The following TTC28 variants were observed in gnomAD, a reference collection of about 807,000 sequenced individuals.
The protein encoded by TTC28 is tetratricopeptide repeat domain 28, also known as tetratricopeptide repeat protein 28.
In TTC28, 61 loss-of-function variants were observed where a neutral mutation model predicts 198.0. The ratio of observed to expected loss-of-function variants is 0.31; its 90% CI spans 0.25 to 0.38. TTC28 has a LOEUF of 0.38. Among genes scored for constraint, TTC28 ranks in the 10% least tolerant of loss-of-function variants. The pLI is 1.00. For synonymous variants in TTC28, 1,171 were observed against 1,297.8 expected (o/e 0.90, Z 2.10); for missense variants, 2,678 against 3,164.0 (o/e 0.85, Z 3.69).
At chr22:28,063,368 G>A (rs1367797568) in intron 12 of TTC28, among the ~76,000 whole-genome samples, 1 of 152,180 alleles carries the variant, frequency 6.6e-6, no homozygotes, top group Non-Finnish European at 1.5e-5. Context: ...AACGCCAAAT[G>A]TGGCCATTGG....
chr22:28,281,866 G>A (rs954302066), intron 5 of TTC28, among the ~76,000 whole-genome samples: 1 of 152,176 alleles, frequency 6.6e-6, no homozygotes, highest in East Asian at 1.9e-4. Flanking sequence ...GAGCTACCTA[G>A]AGATCTGATC....
intron 2 of TTC28, among the ~76,000 whole-genome samples, chr22:28,468,690 A>AT (rs35984422): frequency 0.2 from 25,025 of 122,238 alleles, 3,111 homozygotes; most frequent in Admixed American, 0.38. Flanking sequence ...CGCCCGGCTA[A>AT]TTTTTTTTTT....
chr22:28,108,158 C>T lies in TTC28; in HGVS notation c.1687G>A (p.Ala563Thr). The change falls in exon 7 of 23, where the codon GCC becomes ACC. Residue 563 changes from alanine (A) to threonine (T), a missense_variant. Physicochemically the swap from Ala to Thr is moderately conservative, Grantham distance 58. Around this residue, in one of 8 missense-constraint regions of TTC28, gnomAD observed 775 missense variants for 845.9 expected, o/e 0.92. Coordinates refer to ENST00000397906, the MANE Select transcript of TTC28 (RefSeq NM_001145418.2). Reference sequence around the variant, plus strand: ...TCATGGGCACCCAGGGCCTGGTAGGCCACGGCAAGGTTCCCATGTGTGGAG... The same window carrying T: ...TCATGGGCACCCAGGGCCTGGTAGGTCACGGCAAGGTTCCCATGTGTGGAG... ...QASTHGNLAVAYQALGAHDRA... is the reference protein window; with the variant it reads ...QASTHGNLAVTYQALGAHDRA... 1.3e-6 allele frequency: 2 copies of T among 1,551,704 alleles called. No individual in the cohort carries two copies. Among genetic ancestry groups the T allele is most frequent in the Non-Finnish European group, 1.7e-6 (2 of 1,146,976 alleles).
chr22:28,403,924 C>T (rs2046957716), intron 2 of TTC28, among the ~76,000 whole-genome samples: 1 of 152,148 alleles, frequency 6.6e-6, no homozygotes, highest in African/African-American at 2.4e-5. Flanking sequence ...TTAGGGAAGA[C>T]AGACTTTTTT....
intron 1 of TTC28, among the ~76,000 whole-genome samples, chr22:28,644,294 G>A (rs192291278): frequency 6.6e-6 from 1 of 151,810 alleles, no homozygotes; most frequent in African/African-American, 2.4e-5. Flanking sequence ...AGCTACTGAG[G>A]AGGCTGAGGC....
intron 2 of TTC28, among the ~76,000 whole-genome samples, chr22:28,591,618 G>T (rs933583602): frequency 6.6e-6 from 1 of 152,112 alleles, no homozygotes; most frequent in Non-Finnish European, 1.5e-5. Flanking sequence ...TATAAAAATA[G>T]TACAAAGGAC....
At chr22:28,362,874 G>A (rs994502202) in intron 2 of TTC28, among the ~76,000 whole-genome samples, 6 of 152,134 alleles carry the variant, frequency 3.9e-5, no homozygotes, top group Non-Finnish European at 8.8e-5. Flanking sequence ...TTCAAGAGGT[G>A]ACTTGGGTGC....
chr22:28,235,853 T>C (rs1254298020), intron 5 of TTC28, among the ~76,000 whole-genome samples: 1 of 152,240 alleles, frequency 6.6e-6, no homozygotes, highest in African/African-American at 2.4e-5. Flanking sequence ...CTTCGTTAAG[T>C]TGGAACTACA....
At chr22:28,042,598 G>A (rs774308492) in intron 12 of TTC28, among the ~76,000 whole-genome samples, 3 of 152,110 alleles carry the variant, frequency 2.0e-5, no homozygotes, top group Admixed American at 6.6e-5. Context: ...GGGGACTGGA[G>A]GAGGGAGAGC....
At chr22:28,415,064 A>T (rs2047146243) in intron 2 of TTC28, among the ~76,000 whole-genome samples, 1 of 152,224 alleles carries the variant, frequency 6.6e-6, no homozygotes, top group Non-Finnish European at 1.5e-5. Context: ...AAGTTTAATT[A>T]TAATTGGCCC....
chr22:28,213,703 C>T (rs994152171), intron 5 of TTC28, among the ~76,000 whole-genome samples: 3 of 149,932 alleles, frequency 2.0e-5, no homozygotes, highest in South Asian at 4.3e-4. Context: ...GGCCATACTG[C>T]TCAAGGTAAT....
chr22:28,289,785 G>A (rs963206065), intron 5 of TTC28, among the ~76,000 whole-genome samples: 2 of 152,202 alleles, frequency 1.3e-5, no homozygotes, highest in East Asian at 3.9e-4. Context: ...CAACACTTTG[G>A]GAGGCCAAGG....
At chr22:28,443,475 T>C (rs1472929923) in intron 2 of TTC28, among the ~76,000 whole-genome samples, 1 of 152,266 alleles carries the variant, frequency 6.6e-6, no homozygotes, top group Non-Finnish European at 1.5e-5. Context: ...TTTCGCTTCC[T>C]TCTTGGATAA....
At position 27,981,638 on chromosome 22, in the gene TTC28, A is replaced by ATATT. The variant is rs1937026407; in HGVS notation, c.*579_*582dup. On this transcript the variant is annotated 3_prime_UTR_variant, in exon 23 of 23. Coordinates refer to ENST00000397906, the MANE Select transcript of TTC28 (RefSeq NM_001145418.2). ...TGTGAATTATTGCATTGTTGCTGAG[A>ATATT]TATTACACTATCATGAGACCAAAAT... The ATATT allele has an allele frequency of 6.6e-6, 1 of 152,162 alleles. No individual in the cohort carries two copies. The highest frequency in any genetic ancestry group is 2.4e-5 in the African/African-American group (1 of 41,438). 9.4% of individuals were successfully genotyped at this position (152,162 alleles called of 1,614,324 possible).
At chr22:28,313,247 G>A (rs1467614616) in intron 2 of TTC28, among the ~76,000 whole-genome samples, 1 of 152,136 alleles carries the variant, frequency 6.6e-6, no homozygotes, top group Admixed American at 6.5e-5. Context: ...AACAGTCTGG[G>A]ACCAGACAGA....
chr22:27,990,201 G>A, intron 20 of TTC28, 194 bp from the exon 21 acceptor site: 1 of 709,792 alleles, frequency 1.4e-6, no homozygotes, highest in African/African-American at 1.8e-5. Context: ...AAGCTCATGG[G>A]GCATTGGGGC....
chr22:27,990,160 A>G (rs1399251180), intron 20 of TTC28, 153 bp from the exon 21 acceptor site: 1 of 1,045,010 alleles, frequency 9.6e-7, no homozygotes, highest in East Asian at 2.8e-5. Flanking sequence ...AGGTGCATTC[A>G]TACCTACTGT....
At chr22:28,649,065 G>A (rs1159063149) in intron 1 of TTC28, among the ~76,000 whole-genome samples, 1 of 152,182 alleles carries the variant, frequency 6.6e-6, no homozygotes, top group Non-Finnish European at 1.5e-5. Flanking sequence ...TGAAGCTGCA[G>A]GCCATTATTC....
intron 2 of TTC28, among the ~76,000 whole-genome samples, chr22:28,436,580 G>T (rs1393290332): frequency 2.0e-5 from 3 of 152,226 alleles, no homozygotes; most frequent in Non-Finnish European, 4.4e-5. Flanking sequence ...AAAGGGGAAA[G>T]AAACTTAGTG....
Sources: gnomAD v4.1 joint callset for allele counts (sites outside exome capture counted in the v4.1 genomes callset) on GRCh38, gnomAD v4.1.1 for gene constraint, gnomAD v4.1.1 regional missense constraint, MANE v1.5 for transcripts, NCBI Gene and HGNC (gene_info 2026-07-23, HGNC 2026-07-21) for gene names.